SNRPN: variants seen among roughly 807,000 people sequenced by gnomAD.
The protein encoded by SNRPN is small nuclear ribonucleoprotein-associated protein N.
SNRPN carries 7 observed loss-of-function variants against 25.2 expected under a neutral mutation model. The ratio of observed to expected loss-of-function variants is 0.28; its 90% CI spans 0.16 to 0.52. SNRPN has a LOEUF of 0.52. Among genes scored for constraint, SNRPN ranks in the 20% least tolerant of loss-of-function variants. The probability of loss-of-function intolerance (pLI) is 0.96; values close to 1 mark genes in which losing one functional copy is unlikely to be tolerated. For missense variants in SNRPN, 196 were observed against 322.5 expected (o/e 0.61, Z 3.00); for synonymous variants, 124 against 110.6 (o/e 1.12, Z -0.76).
intron 1 of SNRPN, among the ~76,000 whole-genome samples, chr15:24,868,451 C>T (rs1595565818): frequency 6.6e-6 from 1 of 152,174 alleles, no homozygotes; most frequent in African/African-American, 2.4e-5. Flanking sequence ...GCTAGCAAGA[C>T]AGAAGTAATG....
chr15:24,840,757 G>A (rs1417999324), intron 2 of SNRPN, among the ~76,000 whole-genome samples: 1 of 152,148 alleles, frequency 6.6e-6, no homozygotes, highest in East Asian at 1.9e-4. Flanking sequence ...TACTGTTTTG[G>A]CTTCTTGCTC....
chr15:24,843,505 G>A (rs1056174164), intron 2 of SNRPN, among the ~76,000 whole-genome samples: 6 of 152,118 alleles, frequency 3.9e-5, no homozygotes, highest in South Asian at 2.1e-4. Context: ...AAACTTGGCC[G>A]GGTGCAGTGG....
chr15:24,913,245 C>T (rs1382599658), intron 2 of SNRPN, among the ~76,000 whole-genome samples: 1 of 152,068 alleles, frequency 6.6e-6, no homozygotes, highest in Non-Finnish European at 1.5e-5. Flanking sequence ...TGGCCAATAT[C>T]AGGTATTTCT....
At chr15:24,883,611 C>G (rs7171377) in intron 1 of SNRPN, among the ~76,000 whole-genome samples, 62,449 of 152,038 alleles carry the variant, frequency 0.41, 13,308 homozygotes, top group East Asian at 0.54. Context: ...TCAGATAAAG[C>G]CTTGAAAAAT....
chr15:24,869,728 C>G (rs979799874), intron 1 of SNRPN, among the ~76,000 whole-genome samples: 3 of 152,110 alleles, frequency 2.0e-5, no homozygotes, highest in African/African-American at 4.8e-5. Context: ...GACAAGTTAG[C>G]CTTTGTCAAA....
At chr15:24,829,905 G>A (rs868598615) in exon 2 of SNRPN, 1 of 152,124 alleles carries the variant, frequency 6.6e-6, no homozygotes, top group African/African-American at 2.4e-5. Context: ...CTGCAAATGA[G>A]GTGGGTTTGC....
chr15:24,913,654 A>C (rs894389482), intron 2 of SNRPN, among the ~76,000 whole-genome samples: 11 of 145,830 alleles, frequency 7.5e-5, no homozygotes, highest in Admixed American at 2.7e-4. Flanking sequence ...TCAAAAAAAC[A>C]AAACAAAACA....
chr15:24,929,482 C>T lies in SNRPN; in HGVS notation c.-391+9358C>T, dbSNP rs2736705. On this transcript the variant is annotated intron_variant, in intron 3 of 11. Coordinates refer to the SNRPN transcript ENST00000400097. This position sits in a 1 kb window ranked among gnomAD's most constrained non-coding sequence, Gnocchi z 5.3. The stretch of plus-strand genomic sequence containing the variant: ...AGCAGGCTTCTGCAGTGAAAGGGGC[C>T]AGGTCTAGGAAGATGGGGAATACTT... Among the ~76,000 whole-genome samples, 49,916 of 151,928 alleles carry T rather than the reference C, an allele frequency of 0.33. 9,244 individuals are homozygous for T. The highest frequency in any genetic ancestry group is 0.5 in the African/African-American group (20,868 of 41,432).
exon 1 of SNRPN, chr15:24,856,695 T>C (rs758138656): frequency 2.6e-5 from 4 of 152,238 alleles, no homozygotes; most frequent in African/African-American, 4.8e-5. Context: ...TCAAGAACAC[T>C]TAACAGCTTC....
intron 1 of SNRPN, among the ~76,000 whole-genome samples, chr15:24,878,243 GGCTCCTGA>G (rs1455489179): frequency 6.6e-6 from 1 of 152,232 alleles, no homozygotes; most frequent in Non-Finnish European, 1.5e-5. Flanking sequence ...GCGGGTCTAG[GGCTCCTGA>G]AGCCCCACGG....
rs1051299825 is a variant in SNRPN at position 24,886,501 on chromosome 15, C to T, written c.-578-15C>T. 2.0e-5 allele frequency: 3 copies of T among 151,036 alleles called. No individual in the cohort carries two copies. In the South Asian group the frequency reaches 6.2e-4, roughly 31 times the overall value. The allele number at this position is 151,036 out of a possible 1,614,324, so 9.4% of individuals were successfully genotyped here. A position where few individuals can be genotyped will look rare whatever the true frequency, so the allele number is the denominator to read the frequency against. Reference sequence around the variant, plus strand: ...CATTAACACGTATCATTGAATATGACTTTTTCTTTAACAGATACTTTGACG... The same window carrying T: ...CATTAACACGTATCATTGAATATGATTTTTTCTTTAACAGATACTTTGACG... On this transcript the variant is annotated splice_polypyrimidine_tract_variant and intron_variant, in intron 1 of 11. Coordinates refer to the SNRPN transcript ENST00000400097.
upstream of SNRPN, among the ~76,000 whole-genome samples, chr15:24,854,556 C>G (rs1346415049): frequency 6.6e-6 from 1 of 152,180 alleles, no homozygotes; most frequent in African/African-American, 2.4e-5. Context: ...GCTACCCATC[C>G]AATGAAGAAG....
At chr15:24,849,603 A>C (rs1056515978) in intron 2 of SNRPN, 1 of 152,228 alleles carries the variant, frequency 6.6e-6, no homozygotes, top group Non-Finnish European at 1.5e-5. Flanking sequence ...AACCTGAAAG[A>C]GACACGCTGT....
chr15:24,864,178 C>G (rs2147929436), intron 1 of SNRPN, among the ~76,000 whole-genome samples: 1 of 144,764 alleles, frequency 6.9e-6, no homozygotes. Context: ...AGGCGCCCAC[C>G]ACAACGCCCG....
intron 1 of SNRPN, among the ~76,000 whole-genome samples, chr15:24,875,162 C>G (rs1304874779): frequency 1.3e-5 from 2 of 152,058 alleles, no homozygotes; most frequent in Admixed American, 6.6e-5. Flanking sequence ...TATAGATGTG[C>G]TATTAGTCTA....
intron 1 of SNRPN, among the ~76,000 whole-genome samples, chr15:24,956,318 C>T (rs2153363856): frequency 1.4e-5 from 2 of 146,216 alleles, no homozygotes; most frequent in Admixed American, 1.5e-4. Flanking sequence ...AAGATGGCCG[C>T]CGCTGCAGCG....
chr15:24,834,363 G>A (rs4369637), intron 2 of SNRPN, among the ~76,000 whole-genome samples: 1 of 151,850 alleles, frequency 6.6e-6, no homozygotes, highest in African/African-American at 2.4e-5. Flanking sequence ...ATTCTAAGAC[G>A]GCTCAGCATG....
intron 2 of SNRPN, among the ~76,000 whole-genome samples, chr15:24,894,258 G>A (rs1169743346): frequency 4.0e-5 from 6 of 149,756 alleles, no homozygotes; most frequent in South Asian, 2.1e-4. Flanking sequence ...TCGCTCTGTC[G>A]CCCAGGCTGG....
At chr15:24,916,225 G>C (rs1222454675) in intron 2 of SNRPN, among the ~76,000 whole-genome samples, 1 of 152,150 alleles carries the variant, frequency 6.6e-6, no homozygotes, top group Non-Finnish European at 1.5e-5. Flanking sequence ...CTCCCAAAGT[G>C]CTGGGATTAC....
Sources: gnomAD v4.1 joint callset for allele counts (sites outside exome capture counted in the v4.1 genomes callset) on GRCh38, gnomAD v4.1.1 for gene constraint, Gnocchi (gnomAD v3.1) non-coding constraint, MANE v1.5 for transcripts, NCBI Gene and HGNC (gene_info 2026-07-23, HGNC 2026-07-21) for gene names.